Variants in RPAP3 observed in about 807,000 individuals in gnomAD.
The protein encoded by RPAP3 is RNA polymerase II-associated protein 3.
In RPAP3, 58 loss-of-function variants were observed where a neutral mutation model predicts 88.8. The observed-to-expected ratio is 0.65, with a 90% CI of 0.53 to 0.81. The LOEUF (loss-of-function observed/expected upper bound fraction) is 0.81, where lower values mean the gene tolerates loss of function less well. Among genes scored for constraint, RPAP3 ranks in the 40% least tolerant of loss-of-function variants. RPAP3 has a pLI of 0.00. For synonymous variants in RPAP3, 255 were observed against 259.9 expected (o/e 0.98, Z 0.18); for missense variants, 751 against 764.3 (o/e 0.98, Z 0.20).
At position 47,663,490 on chromosome 12, in the gene RPAP3, C is replaced by A. The variant is rs765170305; in HGVS notation, c.*15G>T. 1 of 1,528,542 alleles carries A rather than the reference C, an allele frequency of 6.5e-7. No homozygotes were observed. Among genetic ancestry groups the A allele is most frequent in the Non-Finnish European group, 8.9e-7 (1 of 1,121,484 alleles). 94.7% of individuals were successfully genotyped at this position (1,528,542 alleles called of 1,614,324 possible). On this transcript the variant is annotated 3_prime_UTR_variant, in exon 17 of 17. Transcript: ENST00000005386. Reference sequence around the variant, plus strand: ...ATATGAAAGTCAAAAACAATTATTTCAGCAAAAATGGAAATCAACCACCGT... The same window carrying A: ...ATATGAAAGTCAAAAACAATTATTTAAGCAAAAATGGAAATCAACCACCGT...
chr12:47,670,207 T>C lies in RPAP3; in HGVS notation c.1426A>G (p.Ser476Gly). The C allele has an allele frequency of 6.2e-7, 1 of 1,614,024 alleles. No homozygotes were observed. The highest frequency in any genetic ancestry group is 8.5e-7 in the Non-Finnish European group (1 of 1,179,918). Residue 476 changes from serine to glycine, a missense_variant, in exon 13 of 17, where the codon AGT becomes GGT. Physicochemically the swap from Ser to Gly is moderately conservative, Grantham distance 56. Transcript: ENST00000005386. ...ANVIAATGTT[S>G]KKNSSQDDLF... ...TCATCTTGGCTTGAATTCTTCTTAC[T>C]TGTGGTGCCTGTGGCTGCTATTACA...
At chr12:47,678,257 A>G (rs935577459) in intron 12 of RPAP3, among the ~76,000 whole-genome samples, 2 of 152,226 alleles carry the variant, frequency 1.3e-5, no homozygotes, top group Non-Finnish European at 2.9e-5. Flanking sequence ...TTCAAGATGG[A>G]TTAAAGACTT....
chr12:47,692,802 C>T (rs1394752383), intron 5 of RPAP3, among the ~76,000 whole-genome samples: 1 of 152,232 alleles, frequency 6.6e-6, no homozygotes, highest in African/African-American at 2.4e-5. Flanking sequence ...TTAATCATTT[C>T]CAGCTTCCAA....
chr12:47,671,512 A>T (rs1487272147), intron 12 of RPAP3, among the ~76,000 whole-genome samples: 1 of 152,204 alleles, frequency 6.6e-6, no homozygotes, highest in African/African-American at 2.4e-5. Context: ...CTAAGATATG[A>T]CCCCAATGGT....
Position 47,701,458 on chromosome 12 carries a change from A to C in RPAP3, c.294+6T>G. ...TATTAAGAAGCAAATGACTAGATTA[A>C]CTTACCACATCAAGTTTTGCCCATG... On this transcript the variant is annotated splice_donor_region_variant and intron_variant, in intron 3 of 16. Transcript: ENST00000005386. The C allele has an allele frequency of 6.4e-7, 1 of 1,555,296 alleles. No individual in the cohort carries two copies. Among genetic ancestry groups the C allele is most frequent in the East Asian group, 2.3e-5 (1 of 42,640 alleles).
Position 47,663,348 on chromosome 12 carries a change from A to T in RPAP3, c.*157T>A. On this transcript the variant is annotated 3_prime_UTR_variant, in exon 17 of 17. Transcript: ENST00000005386. ...CAGAGTTCACTTGAATACAATTCTC[A>T]CTAGTTAAATCACAATTCACCTTAT... 1.9e-6 allele frequency: 1 copy of T among 527,960 alleles called. No individual in the cohort carries two copies. Among genetic ancestry groups the T allele is most frequent in the Non-Finnish European group, 3.3e-6 (1 of 302,820 alleles). The allele number at this position is 527,960 out of a possible 1,614,324, so 32.7% of individuals were successfully genotyped here.
At chr12:47,688,135 C>T in intron 7 of RPAP3, 134 bp from the exon 8 acceptor site, 1 of 781,146 alleles carries the variant, frequency 1.3e-6, no homozygotes, top group Non-Finnish European at 1.8e-6. Flanking sequence ...ACATTTTCTG[C>T]TCTAATTCAA....
chr12:47,676,467 T>C (rs1424264439), intron 12 of RPAP3, among the ~76,000 whole-genome samples: 2 of 152,110 alleles, frequency 1.3e-5, no homozygotes, highest in African/African-American at 4.8e-5. Flanking sequence ...AGCTGGTTTT[T>C]TGAAAAGATC....
intron 1 of RPAP3, among the ~76,000 whole-genome samples, chr12:47,704,352 T>C (rs979754203): frequency 1.3e-5 from 2 of 152,276 alleles, no homozygotes; most frequent in East Asian, 1.9e-4. Context: ...TATTTAGTCA[T>C]AAAAAGACTA....
rs769966506 is a variant in RPAP3, at chr12:47,690,608, C to A, written c.577G>T (p.Ala193Ser). 3.2e-6 allele frequency: 5 copies of A among 1,569,018 alleles called. No individual in the cohort carries two copies. Among genetic ancestry groups the A allele is most frequent in the Non-Finnish European group, 4.3e-6 (5 of 1,153,558 alleles). ...GTATAACTTCTATTCAAGGCAACTGCTAAATTACAATCAGACTCAGCAACA... is the reference window on the plus strand; with the variant it reads ...GTATAACTTCTATTCAAGGCAACTGATAAATTACAATCAGACTCAGCAACA... ...FAVAESDCNL[A>S]VALNRSYTKA... The change falls in exon 6 of 17, where the codon GCA (alanine) becomes TCA (serine). Residue 193 changes from alanine (A) to serine (S), a missense_variant. Physicochemically the swap from Ala to Ser is moderately conservative, Grantham distance 99. Coordinates refer to ENST00000005386, the MANE Select transcript of RPAP3 (RefSeq NM_024604.3).
chr12:47,675,953 C>T (rs1009818181), intron 12 of RPAP3, among the ~76,000 whole-genome samples: 1 of 152,194 alleles, frequency 6.6e-6, no homozygotes, highest in Non-Finnish European at 1.5e-5. Flanking sequence ...TTCTTCTCAG[C>T]ACCACATCAC....
At chr12:47,665,267 TTTTC>T (rs1021715038) in intron 16 of RPAP3, among the ~76,000 whole-genome samples, 6 of 151,528 alleles carry the variant, frequency 4.0e-5, no homozygotes, top group East Asian at 1.9e-4. Context: ...CAGCTAATTT[TTTTC>T]TTTCTTTTTT....
chr12:47,704,069 A>G (rs537720386), intron 1 of RPAP3, among the ~76,000 whole-genome samples: 1 of 152,354 alleles, frequency 6.6e-6, no homozygotes, highest in South Asian at 2.1e-4. Context: ...GTAGCTATGT[A>G]GGAATAGAGA....
At chr12:47,688,507 T>C (rs1017400448) in intron 7 of RPAP3, among the ~76,000 whole-genome samples, 1 of 152,164 alleles carries the variant, frequency 6.6e-6, no homozygotes, top group Non-Finnish European at 1.5e-5. Flanking sequence ...TTATTTTAAA[T>C]AAATAAATAA....
chr12:47,674,273 A>T (rs537446668), intron 12 of RPAP3, among the ~76,000 whole-genome samples: 1 of 152,288 alleles, frequency 6.6e-6, no homozygotes, highest in Non-Finnish European at 1.5e-5. Context: ...AAGGGAGATT[A>T]AACCACAAAG....
intron 5 of RPAP3, among the ~76,000 whole-genome samples, chr12:47,695,113 A>G (rs1355691358): frequency 4.6e-5 from 7 of 152,142 alleles, no homozygotes; most frequent in African/African-American, 1.4e-4. Flanking sequence ...GAGGGACAGA[A>G]GGAGGGAAGA....
rs1939559342 is a variant in RPAP3, at chr12:47,697,643, T to A, written c.371A>T (p.Asp124Val). 1.2e-6 allele frequency: 2 copies of A among 1,611,300 alleles called. No homozygotes were observed. The highest frequency in any genetic ancestry group is 3.4e-5 in the Admixed American group (2 of 59,596). The stretch of plus-strand genomic sequence containing the variant: ...CTTTTGTGAATCTACATGAATCCCA[T>A]CTTCTTCCGACTCTGATTCTTGAGA... Reference protein sequence around the residue: ...SLSQESESEEDGIHVDSQKAL... With the variant: ...SLSQESESEEVGIHVDSQKAL... Residue 124 changes from aspartate to valine, a missense_variant, in exon 4 of 17, where the codon GAT becomes GTT. Asp to Val is a radical substitution (Grantham distance 152). Coordinates refer to ENST00000005386, the MANE Select transcript of RPAP3 (RefSeq NM_024604.3).
chr12:47,674,577 T>C (rs527381681), intron 12 of RPAP3, among the ~76,000 whole-genome samples: 26 of 152,250 alleles, frequency 1.7e-4, no homozygotes, highest in East Asian at 1.4e-3. Flanking sequence ...CTGAAAACCA[T>C]GGCATGAGAA....
intron 10 of RPAP3, 137 bp from the exon 11 acceptor site, chr12:47,679,911 G>A (rs1490102596): frequency 1.6e-6 from 1 of 606,940 alleles, no homozygotes; most frequent in Non-Finnish European, 2.9e-6. Context: ...TAGGAAACAG[G>A]TGAGCTATAG....
Sources: allele counts gnomAD v4.1 joint callset (sites outside exome capture counted in the v4.1 genomes callset), GRCh38; gene constraint gnomAD v4.1.1; transcripts MANE v1.5; gene names NCBI Gene and HGNC (gene_info 2026-07-23, HGNC 2026-07-21).